The following SORL1 variants were observed in gnomAD, a reference collection of about 807,000 sequenced individuals.
SORL1 encodes sortilin-related receptor.
In SORL1, 127 loss-of-function variants were observed where a neutral mutation model predicts 273.7. The ratio of observed to expected loss-of-function variants is 0.46; its 90% CI spans 0.40 to 0.54. The LOEUF is 0.54. Among genes scored for constraint, SORL1 ranks in the 20% least tolerant of loss-of-function variants. The probability of loss-of-function intolerance (pLI) is 0.00; values close to 1 mark genes in which losing one functional copy is unlikely to be tolerated. For missense variants in SORL1, 2,494 were observed against 2,846.1 expected, an observed-to-expected ratio of 0.88 and a Z score of 2.81; for synonymous variants, 1,031 against 1,067.4, an observed-to-expected ratio of 0.97 and a Z score of 0.66.
chr11:121,558,499 C>A, intron 19 of SORL1, 92 bp from the exon 20 acceptor site: 1 of 1,354,342 alleles, frequency 7.4e-7, no homozygotes, highest in Non-Finnish European at 1.0e-6. Context: ...CCGGATCATT[C>A]GAAAGGAGTT....
At chr11:121,573,153 C>T (rs919123577) in intron 23 of SORL1, among the ~76,000 whole-genome samples, 2 of 152,176 alleles carry the variant, frequency 1.3e-5, no homozygotes, top group African/African-American at 4.8e-5. Context: ...GCCAGAAGGA[C>T]ATGAGGAATG....
chr11:121,570,284 A>G lies in SORL1; in HGVS notation c.3337+14A>G. ...AGAGAAACTGCCGTGAGTCTTCTGGATTGGACGTTAAGCACTTACCATTAC... is the reference window on the plus strand; with the variant it reads ...AGAGAAACTGCCGTGAGTCTTCTGGGTTGGACGTTAAGCACTTACCATTAC... On this transcript the variant is annotated intron_variant, in intron 23 of 47. Transcript: ENST00000260197. 2 of 1,588,476 alleles carry G rather than the reference A, an allele frequency of 1.3e-6. No individual in the cohort carries two copies. Among genetic ancestry groups the G allele is most frequent in the Non-Finnish European group, 1.7e-6 (2 of 1,156,756 alleles).
At chr11:121,577,515 T>A in intron 25 of SORL1, 115 bp downstream of exon 25, 1 of 1,167,484 alleles carries the variant, frequency 8.6e-7, no homozygotes, top group Non-Finnish European at 1.2e-6. Context: ...ACCTTAGAAA[T>A]CAGCGAGTTT....
In SORL1 at chr11:121,606,877, C is replaced by A; in HGVS notation, c.4981C>A (p.Leu1661Ile). 4 of 1,614,112 alleles carry A rather than the reference C, an allele frequency of 2.5e-6. No individual in the cohort carries two copies. The highest frequency in any genetic ancestry group is 3.4e-6 in the Non-Finnish European group (4 of 1,179,978). ...TGCCCCTCGAAATCTCCAGCTGTCACTCCCCAGGGAAGCAGAAGGTGTGAT... is the reference window on the plus strand; with the variant it reads ...TGCCCCTCGAAATCTCCAGCTGTCAATCCCCAGGGAAGCAGAAGGTGTGAT... ...PDAPRNLQLS[L>I]PREAEGVIVG... The change falls in exon 36 of 48, where the codon CTC becomes ATC. Residue 1661 changes from leucine to isoleucine, a missense_variant. Leu to Ile is a conservative substitution (Grantham distance 5). Coordinates refer to ENST00000260197, the MANE Select transcript of SORL1 (RefSeq NM_003105.6).
chr11:121,518,897 C>T (rs1337352413), intron 8 of SORL1, among the ~76,000 whole-genome samples: 2 of 151,470 alleles, frequency 1.3e-5, no homozygotes, highest in Admixed American at 1.3e-4. Context: ...ATTGTGTAGC[C>T]GGTGGCTTAG....
At chr11:121,551,674 A>G (rs974010498) in intron 16 of SORL1, among the ~76,000 whole-genome samples, 2 of 152,186 alleles carry the variant, frequency 1.3e-5, no homozygotes, top group Admixed American at 6.5e-5. Flanking sequence ...CGAATGAATC[A>G]TGAAAGAAGT....
chr11:121,490,325 G>A (rs1029693329), intron 5 of SORL1, among the ~76,000 whole-genome samples: 8 of 152,180 alleles, frequency 5.3e-5, no homozygotes, highest in Non-Finnish European at 4.4e-5. Context: ...GAGAGGAGTG[G>A]TAGAGCTTTT....
intron 6 of SORL1, among the ~76,000 whole-genome samples, chr11:121,509,781 A>G (rs1861847671): frequency 1.3e-5 from 2 of 152,198 alleles, no homozygotes; most frequent in South Asian, 4.1e-4. Context: ...AGCAGAATTT[A>G]TTTTTAGTTA....
intron 11 of SORL1, among the ~76,000 whole-genome samples, chr11:121,526,359 T>G (rs1862124541): frequency 6.6e-6 from 1 of 152,212 alleles, no homozygotes; most frequent in African/African-American, 2.4e-5. Context: ...TATCTTAATT[T>G]CCAAAGCCTT....
At chr11:121,462,831 C>T (rs1483105073) in intron 1 of SORL1, among the ~76,000 whole-genome samples, 1 of 152,174 alleles carries the variant, frequency 6.6e-6, no homozygotes, top group African/African-American at 2.4e-5. Context: ...GGGATCCACC[C>T]GCCTTGGCCT....
At position 121,512,885 on chromosome 11, in the gene SORL1, C is replaced by T; in HGVS notation, c.940-118C>T. 7 of 703,014 alleles carry T rather than the reference C, an allele frequency of 1.0e-5. No homozygotes were observed. The South Asian group carries it at 1.2e-4, about 12-fold the overall frequency. 43.5% of individuals were successfully genotyped at this position (703,014 alleles called of 1,614,324 possible). On this transcript the variant is annotated intron_variant, in intron 6 of 47. Coordinates refer to ENST00000260197, the MANE Select transcript of SORL1 (RefSeq NM_003105.6). ...AAAAACATGAATTTGCAATCACAGTCTCTATTTTGTGTTTCCAGTAGAACT... is the reference window on the plus strand; with the variant it reads ...AAAAACATGAATTTGCAATCACAGTTTCTATTTTGTGTTTCCAGTAGAACT...
chr11:121,557,826 G>A (rs915945144), intron 19 of SORL1, among the ~76,000 whole-genome samples: 1 of 152,220 alleles, frequency 6.6e-6, no homozygotes, highest in African/African-American at 2.4e-5. Flanking sequence ...CTTGGGGAAG[G>A]CAAAGGTGCT....
At chr11:121,607,981 T>C in intron 37 of SORL1, 123 bp from the exon 38 acceptor site, 2 of 753,570 alleles carry the variant, frequency 2.7e-6, no homozygotes, top group Non-Finnish European at 2.2e-6. Context: ...TGGATCACTC[T>C]GTATAAAATT....
At chr11:121,535,993 G>C (rs1244987551) in intron 12 of SORL1, among the ~76,000 whole-genome samples, 1 of 152,216 alleles carries the variant, frequency 6.6e-6, no homozygotes, top group Non-Finnish European at 1.5e-5. Flanking sequence ...AGGGGCTGTT[G>C]CATTTTTGCA....
At chr11:121,572,538 G>A (rs1027256231) in intron 23 of SORL1, among the ~76,000 whole-genome samples, 1 of 152,194 alleles carries the variant, frequency 6.6e-6, no homozygotes, top group Non-Finnish European at 1.5e-5. Flanking sequence ...CAAGAGAGAG[G>A]GGCTTATCTG....
chr11:121,551,831 C>T (rs924676693), intron 16 of SORL1, among the ~76,000 whole-genome samples: 1 of 152,184 alleles, frequency 6.6e-6, no homozygotes, highest in Non-Finnish European at 1.5e-5. Flanking sequence ...ACTATGGAGG[C>T]TTGAAAAGAA....
At chr11:121,571,970 T>G (rs1862851197) in intron 23 of SORL1, among the ~76,000 whole-genome samples, 1 of 152,236 alleles carries the variant, frequency 6.6e-6, no homozygotes, top group South Asian at 2.1e-4. Flanking sequence ...TTAAAAACAT[T>G]AATGCTTATT....
At chr11:121,624,355 G>T (rs1008590020) in intron 45 of SORL1, among the ~76,000 whole-genome samples, 1 of 152,196 alleles carries the variant, frequency 6.6e-6, no homozygotes, top group African/African-American at 2.4e-5. Flanking sequence ...AATAGTTGGG[G>T]ATCAGCAGAG....
rs374928025 is a variant in SORL1, at chr11:121,514,275, G to A, written c.1165G>A (p.Val389Met). The A allele has an allele frequency of 4.3e-6, 7 of 1,614,052 alleles. No homozygotes were observed. The highest frequency in any genetic ancestry group is 5.9e-6 in the Non-Finnish European group (7 of 1,180,030). The change falls in exon 8 of 48, where the codon GTG (valine) becomes ATG (methionine). Residue 389 changes from valine (V) to methionine (M), a missense_variant. Coordinates refer to ENST00000260197, the MANE Select transcript of SORL1 (RefSeq NM_003105.6). Reference sequence around the variant, plus strand: ...GAAGTTCTCCCTGTCCTTGGAGAACGTGCTCTATTACAGCCCAGGAGGGGC... The same window carrying A: ...GAAGTTCTCCCTGTCCTTGGAGAACATGCTCTATTACAGCCCAGGAGGGGC... ...GLKFSLSLENVLYYSPGGAGS... is the reference protein window; with the variant it reads ...GLKFSLSLENMLYYSPGGAGS...
Sources: allele counts gnomAD v4.1 joint callset (sites outside exome capture counted in the v4.1 genomes callset), GRCh38; gene constraint gnomAD v4.1.1; transcripts MANE v1.5; gene names NCBI Gene and HGNC (gene_info 2026-07-23, HGNC 2026-07-21).